The following RNF169 variants were observed in gnomAD, a reference collection of about 807,000 sequenced individuals.
RNF169 encodes the protein ring finger protein 169.
Under a neutral mutation model 53.9 loss-of-function variants are expected in RNF169, and 24 were observed. That is an observed-to-expected ratio of 0.45 (90% confidence interval 0.32 to 0.63). RNF169 has a LOEUF of 0.63. RNF169 is among the 20% of genes least tolerant of loss of function. RNF169 has a pLI of 0.04. For synonymous variants in RNF169, 396 were observed against 363.5 expected, an observed-to-expected ratio of 1.09 and a Z score of -1.02; for missense variants, 883 against 906.2, an observed-to-expected ratio of 0.97 and a Z score of 0.33.
At chr11:74,785,227 T>C (rs2035479011) in intron 1 of RNF169, among the ~76,000 whole-genome samples, 2 of 102,494 alleles carry the variant, frequency 2.0e-5, no homozygotes, top group African/African-American at 5.3e-5. Flanking sequence ...ATATGTTATA[T>C]ATATTATATA....
chr11:74,751,394 G>T (rs1275747280), intron 1 of RNF169, among the ~76,000 whole-genome samples: 1 of 152,128 alleles, frequency 6.6e-6, no homozygotes, highest in Admixed American at 6.6e-5. Context: ...CTGAGATTAT[G>T]GTCACGATAT....
At chr11:74,750,462 AT>A (rs972470076) in intron 1 of RNF169, among the ~76,000 whole-genome samples, 1 of 152,012 alleles carries the variant, frequency 6.6e-6, no homozygotes, top group Non-Finnish European at 1.5e-5. Context: ...AGGTTCTAGA[AT>A]GCACTCTGTT....
chr11:74,798,072 C>G (rs1248520780), intron 2 of RNF169, among the ~76,000 whole-genome samples: 1 of 152,122 alleles, frequency 6.6e-6, no homozygotes, highest in Non-Finnish European at 1.5e-5. Flanking sequence ...TATGTCGCCT[C>G]AGGACCATGT....
intron 4 of RNF169, among the ~76,000 whole-genome samples, chr11:74,823,036 C>A (rs1222002523): frequency 1.3e-5 from 2 of 152,144 alleles, no homozygotes. Context: ...TTGCTCTTGA[C>A]TATTCTGCTC....
At chr11:74,776,120 G>A (rs1375524882) in intron 1 of RNF169, among the ~76,000 whole-genome samples, 1 of 151,996 alleles carries the variant, frequency 6.6e-6, no homozygotes, top group African/African-American at 2.4e-5. Context: ...AAGTTGTATT[G>A]GCAGGCAAAA....
intron 1 of RNF169, among the ~76,000 whole-genome samples, chr11:74,788,302 A>AACACAC (rs140848727): frequency 0.021 from 3,226 of 150,204 alleles, 75 homozygotes; most frequent in African/African-American, 0.071. Context: ...CATAAACATA[A>AACACAC]ACACACACAC....
Position 74,766,063 on chromosome 11 carries a change from C to G in RNF169, c.502+16681C>G, listed in dbSNP as rs796624649. Among the ~76,000 whole-genome samples the G allele has an allele frequency of 2.6e-5, 4 of 151,866 alleles. No homozygotes were observed. In the East Asian group the frequency reaches 5.8e-4, roughly 22 times the overall value. ...CATAAATATTAGGAATGAAAAAATA[C>G]AACTATAGATATAATGAAGATTTAA... On this transcript the variant is annotated intron_variant, in intron 1 of 5. Transcript: ENST00000299563.
chr11:74,769,230 A>C (rs1212288889), intron 1 of RNF169, among the ~76,000 whole-genome samples: 1 of 152,226 alleles, frequency 6.6e-6, no homozygotes, highest in Admixed American at 6.5e-5. Flanking sequence ...CATTTCATAG[A>C]AGAAGGAAAC....
At chr11:74,762,209 A>G (rs1297970497) in intron 1 of RNF169, among the ~76,000 whole-genome samples, 1 of 149,444 alleles carries the variant, frequency 6.7e-6, no homozygotes, top group East Asian at 2.0e-4. Flanking sequence ...ATTCTTCTAA[A>G]TTTTTTTCAA....
chr11:74,789,550 C>T lies in RNF169; in HGVS notation c.503-76C>T. On this transcript the variant is annotated intron_variant, in intron 1 of 5. Coordinates refer to ENST00000299563, the MANE Select transcript of RNF169 (RefSeq NM_001098638.2). The stretch of plus-strand genomic sequence containing the variant: ...TGATTTTTATCATCTATTTATATAA[C>T]CCACATGTATTGTGCCTCCTGTGGG... The T allele has an allele frequency of 4.9e-6, 4 of 814,448 alleles. No individual in the cohort carries two copies. In the South Asian group the frequency reaches 6.1e-5, roughly 12 times the overall value. 50.5% of individuals were successfully genotyped at this position (814,448 alleles called of 1,614,324 possible).
intron 4 of RNF169, among the ~76,000 whole-genome samples, chr11:74,829,642 C>G (rs1165820445): frequency 6.6e-6 from 1 of 152,108 alleles, no homozygotes; most frequent in Non-Finnish European, 1.5e-5. Flanking sequence ...TACGTATACC[C>G]CCATGGAATA....
chr11:74,758,543 C>G (rs2035022777), intron 1 of RNF169, among the ~76,000 whole-genome samples: 1 of 151,810 alleles, frequency 6.6e-6, no homozygotes, highest in Non-Finnish European at 1.5e-5. Flanking sequence ...GCTCTGTCAC[C>G]CAGGCTGGAG....
Position 74,762,259 on chromosome 11 carries a change from G to A in RNF169, c.502+12877G>A, listed in dbSNP as rs1348525809. ...TTGCCTTTGGTTTGAATGTCCTCCC[G>A]TAGCTCAGAGTAATTTGATCGTCTG... On this transcript the variant is annotated intron_variant, in intron 1 of 5. Coordinates refer to ENST00000299563, the MANE Select transcript of RNF169 (RefSeq NM_001098638.2). Among the ~76,000 whole-genome samples the A allele has an allele frequency of 2.7e-5, 4 of 149,680 alleles. No homozygotes were observed. The East Asian group carries it at 5.9e-4, about 22-fold the overall frequency.
chr11:74,811,832 T>G (rs2035880169), intron 3 of RNF169, among the ~76,000 whole-genome samples: 1 of 152,086 alleles, frequency 6.6e-6, no homozygotes. Flanking sequence ...TAGACAAAAA[T>G]AAGCTCTATG....
intron 1 of RNF169, among the ~76,000 whole-genome samples, chr11:74,763,980 G>T (rs890292462): frequency 1.3e-5 from 2 of 152,074 alleles, no homozygotes; most frequent in Non-Finnish European, 2.9e-5. Context: ...CCAAAGTGTT[G>T]GCATTACAAG....
In RNF169 at chr11:74,829,812, T is replaced by C. The variant is rs540883189; in HGVS notation, c.843-4864T>C. Among the ~76,000 whole-genome samples the C allele has an allele frequency of 4.0e-5, 6 of 151,882 alleles. No homozygotes were observed. In the East Asian group the frequency reaches 9.7e-4, roughly 25 times the overall value. On this transcript the variant is annotated intron_variant, in intron 4 of 5. Transcript: ENST00000299563. Reference sequence around the variant, plus strand: ...CGAATGATGAGAACTCATGGACACATGTGGGGAAACTGGGGAAACAACACA... The same window carrying C: ...CGAATGATGAGAACTCATGGACACACGTGGGGAAACTGGGGAAACAACACA...
At position 74,841,444 on chromosome 11, in the gene RNF169, G is replaced by C. The variant is rs2036528748; in HGVS notation, c.*4714G>C. On this transcript the variant is annotated 3_prime_UTR_variant, in exon 6 of 6. Coordinates refer to ENST00000299563, the MANE Select transcript of RNF169 (RefSeq NM_001098638.2). ...GAAAAGAGACTAAGATATATGCAAG[G>C]GTCACCAGTTTAGAGATCAGTCAAA... is the stretch of plus-strand genomic sequence containing the variant. 1 of 152,106 alleles carries C rather than the reference G, an allele frequency of 6.6e-6. No individual in the cohort carries two copies. The highest frequency in any genetic ancestry group is 2.1e-4 in the South Asian group (1 of 4,822). 9.4% of individuals were successfully genotyped at this position (152,106 alleles called of 1,614,324 possible). A position where few individuals can be genotyped will look rare whatever the true frequency, so the allele number is the denominator to read the frequency against.
chr11:74,786,383 C>T (rs1157394657), intron 1 of RNF169, among the ~76,000 whole-genome samples: 1 of 151,924 alleles, frequency 6.6e-6, no homozygotes, highest in African/African-American at 2.4e-5. Flanking sequence ...TAGGTGTGCA[C>T]CATCATGCCC....
Position 74,836,762 on chromosome 11 carries a change from G to GT in RNF169, c.*33dup. Reference sequence around the variant, plus strand: ...ATGAAGTGTTACCTATTTTTAAAAGGTCTTAGGCCTTGATCATTTATCCTG... The same window carrying GT: ...ATGAAGTGTTACCTATTTTTAAAAGGTTCTTAGGCCTTGATCATTTATCCTG... On this transcript the variant is annotated 3_prime_UTR_variant, in exon 6 of 6. Coordinates refer to ENST00000299563, the MANE Select transcript of RNF169 (RefSeq NM_001098638.2). The GT allele has an allele frequency of 6.6e-7, 1 of 1,505,870 alleles. No homozygotes were observed. Among genetic ancestry groups the GT allele is most frequent in the Non-Finnish European group, 9.0e-7 (1 of 1,111,674 alleles). 93.3% of individuals were successfully genotyped at this position (1,505,870 alleles called of 1,614,324 possible).
Sources: allele counts gnomAD v4.1 joint callset (sites outside exome capture counted in the v4.1 genomes callset), GRCh38; gene constraint gnomAD v4.1.1; transcripts MANE v1.5; gene names NCBI Gene and HGNC (gene_info 2026-07-23, HGNC 2026-07-21).